The following GPC5 variants were observed in gnomAD, a reference collection of about 807,000 sequenced individuals.
GPC5 encodes the protein glypican-5.
A neutral mutation model predicts 53.9 loss-of-function variants in GPC5; 47 were observed. That is an observed-to-expected ratio of 0.87 (90% CI 0.69 to 1.11). The LOEUF (loss-of-function observed/expected upper bound fraction) is 1.11. GPC5 is among the 50% of genes most tolerant of loss of function. The pLI, the probability that GPC5 is intolerant of heterozygous loss-of-function variation, is 0.00. For missense variants in GPC5, 748 were observed against 713.1 expected (o/e 1.05, Z -0.56); for synonymous variants, 286 against 263.3 (o/e 1.09, Z -0.84).
intron 5 of GPC5, among the ~76,000 whole-genome samples, chr13:91,879,260 G>C (rs1201741251): frequency 6.6e-6 from 1 of 152,108 alleles, no homozygotes; most frequent in African/African-American, 2.4e-5. Flanking sequence ...GCTTTGGCTA[G>C]AACTAAATAG....
intron 7 of GPC5, among the ~76,000 whole-genome samples, chr13:92,521,037 G>A (rs1881022553): frequency 6.6e-6 from 1 of 152,130 alleles, no homozygotes; most frequent in African/African-American, 2.4e-5. Flanking sequence ...TTGATTCAAA[G>A]AGAATAAAAT....
chr13:91,846,508 A>G (rs757310110), intron 5 of GPC5, among the ~76,000 whole-genome samples: 1 of 152,142 alleles, frequency 6.6e-6, no homozygotes, highest in Non-Finnish European at 1.5e-5. Context: ...GTATACCTTT[A>G]TAATAAGCTA....
In GPC5 at chr13:91,627,175, C is replaced by T. The variant is rs1481518211; in HGVS notation, c.326-66012C>T. Among the ~76,000 whole-genome samples the T allele has an allele frequency of 2.0e-4, 4 of 19,858 alleles. 2 individuals carry two copies. Among genetic ancestry groups the T allele is most frequent in the Non-Finnish European group, 2.8e-4 (4 of 14,284 alleles). The allele number at this position is 19,858 out of a possible 152,430, so 13.0% of individuals were successfully genotyped here. Reference sequence around the variant, plus strand: ...CCTCCCGAGTAGCTGGGACTACAGGCGCCCGCCACCGCGCCCGGCTAATTT... The same window carrying T: ...CCTCCCGAGTAGCTGGGACTACAGGTGCCCGCCACCGCGCCCGGCTAATTT... On this transcript the variant is annotated intron_variant, in intron 2 of 7. Transcript: ENST00000377067.
intron 2 of GPC5, among the ~76,000 whole-genome samples, chr13:91,639,215 T>C (rs1023295854): frequency 6.6e-5 from 10 of 152,186 alleles, no homozygotes; most frequent in African/African-American, 1.9e-4. Context: ...CAGATATAAG[T>C]GTATTGAGTT....
chr13:91,585,937 T>C (rs2032548156), intron 2 of GPC5, among the ~76,000 whole-genome samples: 1 of 151,952 alleles, frequency 6.6e-6, no homozygotes, highest in African/African-American at 2.4e-5. Context: ...ATTTCTTGGC[T>C]GGCCTGAGGG....
intron 3 of GPC5, among the ~76,000 whole-genome samples, chr13:91,723,757 G>A (rs1220340500): frequency 1.3e-5 from 2 of 152,112 alleles, no homozygotes; most frequent in African/African-American, 4.8e-5. Context: ...TGATTGCAAT[G>A]ACTATAGCAG....
intron 7 of GPC5, among the ~76,000 whole-genome samples, chr13:92,422,533 A>ACACACACACACCC (rs35563055): frequency 4.1e-5 from 5 of 122,110 alleles, no homozygotes; most frequent in African/African-American, 2.0e-4. Context: ...CACACACACA[A>ACACACACACACCC]CTTCTTGGAA....
At chr13:92,464,834 A>G (rs1878628439) in intron 7 of GPC5, among the ~76,000 whole-genome samples, 2 of 152,042 alleles carry the variant, frequency 1.3e-5, no homozygotes, top group South Asian at 4.1e-4. Flanking sequence ...TTATTAGAGG[A>G]ACTTTATAAT....
chr13:91,409,466 A>C (rs986700760), intron 1 of GPC5, among the ~76,000 whole-genome samples: 1 of 152,222 alleles, frequency 6.6e-6, no homozygotes, highest in East Asian at 1.9e-4. Flanking sequence ...TTCCTTTGAT[A>C]AGTTCAGAAG....
intron 2 of GPC5, among the ~76,000 whole-genome samples, chr13:91,571,921 TTGTATATATACACACA>T (rs1194619921): frequency 1.8e-5 from 2 of 108,740 alleles, no homozygotes; most frequent in Non-Finnish European, 3.8e-5. Context: ...TATACACATA[TTGTATATATACACACA>T]TGTATATACA....
intron 5 of GPC5, among the ~76,000 whole-genome samples, chr13:91,789,044 T>A (rs1441323454): frequency 1.3e-5 from 2 of 151,970 alleles, no homozygotes; most frequent in African/African-American, 4.8e-5. Flanking sequence ...CGAAACCCCA[T>A]CTCTACTAAA....
At chr13:92,298,827 A>ATCTCGTCCTGCC (rs1160181450) in intron 7 of GPC5, among the ~76,000 whole-genome samples, 1 of 152,124 alleles carries the variant, frequency 6.6e-6, no homozygotes, top group Non-Finnish European at 1.5e-5. Flanking sequence ...GAGAGCTGTA[A>ATCTCGTCCTGCC]TCTCGTCCTG....
At chr13:92,648,630 G>T (rs1348627542) in intron 7 of GPC5, among the ~76,000 whole-genome samples, 1 of 152,038 alleles carries the variant, frequency 6.6e-6, no homozygotes, top group African/African-American at 2.4e-5. Flanking sequence ...CTAAGCAGAT[G>T]TCTTGATTTG....
At chr13:92,620,896 T>C (rs1465190911) in intron 7 of GPC5, among the ~76,000 whole-genome samples, 2 of 152,230 alleles carry the variant, frequency 1.3e-5, no homozygotes, top group Non-Finnish European at 2.9e-5. Flanking sequence ...AAATCTCAGG[T>C]AAATAGTATA....
chr13:91,945,379 G>T (rs1273112717), intron 6 of GPC5, among the ~76,000 whole-genome samples: 1 of 152,076 alleles, frequency 6.6e-6, no homozygotes, highest in Non-Finnish European at 1.5e-5. Flanking sequence ...CCATGCTCTT[G>T]TATTTCACTT....
At chr13:92,219,684 T>G (rs1447411971) in intron 7 of GPC5, among the ~76,000 whole-genome samples, 1 of 152,170 alleles carries the variant, frequency 6.6e-6, no homozygotes, top group Non-Finnish European at 1.5e-5. Flanking sequence ...AACTTGACTT[T>G]AGCTTCTGAT....
chr13:92,726,426 T>C (rs1331020811), intron 7 of GPC5, among the ~76,000 whole-genome samples: 6 of 151,616 alleles, frequency 4.0e-5, no homozygotes, highest in Non-Finnish European at 7.4e-5. Flanking sequence ...AGGATCTAAC[T>C]CTATCACCCA....
intron 7 of GPC5, among the ~76,000 whole-genome samples, chr13:92,810,369 C>G (rs778648812): frequency 6.6e-6 from 1 of 151,812 alleles, no homozygotes; most frequent in Non-Finnish European, 1.5e-5. Context: ...ACAATGAAAA[C>G]GTTAATTTTA....
intron 6 of GPC5, among the ~76,000 whole-genome samples, chr13:92,080,166 C>T (rs994422083): frequency 6.6e-6 from 1 of 152,214 alleles, no homozygotes; most frequent in Non-Finnish European, 1.5e-5. Flanking sequence ...ACCTGCTTCT[C>T]AGACAGATAT....
Sources: allele counts gnomAD v4.1 joint callset (sites outside exome capture counted in the v4.1 genomes callset), GRCh38; gene constraint gnomAD v4.1.1; transcripts MANE v1.5; gene names NCBI Gene and HGNC (gene_info 2026-07-23, HGNC 2026-07-21).